Variants in ATG16L2 observed in about 807,000 individuals in gnomAD.
ATG16L2 encodes autophagy related 16 like 2, also known as protein Atg16l2.
A neutral mutation model predicts 84.7 loss-of-function variants in ATG16L2; 77 were observed. That is an observed-to-expected ratio of 0.91 (90% CI 0.76 to 1.10). ATG16L2 has a LOEUF of 1.10. ATG16L2 is among the 50% of genes least tolerant of loss of function. The probability of loss-of-function intolerance (pLI) is 0.00; values close to 1 mark genes in which losing one functional copy is unlikely to be tolerated. For synonymous variants in ATG16L2, 361 were observed against 342.8 expected (o/e 1.05, Z -0.59); for missense variants, 782 against 817.6 (o/e 0.96, Z 0.53).
chr11:72,836,101 G>A (rs530819424), intron 5 of ATG16L2, among the ~76,000 whole-genome samples: 18 of 152,328 alleles, frequency 1.2e-4, no homozygotes, highest in African/African-American at 4.1e-4. Context: ...CTTATGCACA[G>A]GATAATGTCT....
In ATG16L2 at chr11:72,826,750, G is replaced by T. The variant is rs1194932964; in HGVS notation, c.1293G>T (p.Lys431Asn). The change falls in exon 13 of 18, where the codon AAG becomes AAT. Residue 431 changes from lysine to asparagine, a missense_variant. Physicochemically the swap from Lys to Asn is moderately conservative, Grantham distance 94. Transcript: ENST00000321297. ...HKDKVTAAKF[K>N]LTRHQAVTGS... is the part of the protein sequence containing the mutation. ...ATAAGGTGACAGCTGCCAAATTCAA[G>T]CTAACGAGGCACCAGGCAGTGACTG... 1 of 1,614,018 alleles carries T rather than the reference G, an allele frequency of 6.2e-7. No individual in the cohort carries two copies. The highest frequency in any genetic ancestry group is 1.7e-5 in the Admixed American group (1 of 60,002).
At position 72,822,146 on chromosome 11, in the gene ATG16L2, A is replaced by G. The variant is rs1215334412; in HGVS notation, c.495A>G (p.Ala165=). ...EWRAQNAVQR[A]AYEALRAHVG... is the part of the protein sequence containing the mutation. ...GGGCGCAGAATGCGGTGCAGCGGGC[A>G]GCCTACGAGGCGCTGCGCGCGCACG... Residue 165 remains alanine, a synonymous_variant, in exon 5 of 18, where the codon GCA becomes GCG. Transcript: ENST00000321297. This position sits in a 1 kb window ranked among gnomAD's most constrained non-coding sequence, Gnocchi z 4.2. 3.3e-6 allele frequency: 5 copies of G among 1,497,074 alleles called. No homozygotes were observed. In the African/African-American group the frequency reaches 4.3e-5, roughly 13 times the overall value. The allele number at this position is 1,497,074 out of a possible 1,614,324, so 92.7% of individuals were successfully genotyped here.
downstream of ATG16L2, among the ~76,000 whole-genome samples, chr11:72,830,900 GC>G (rs1238958810): frequency 6.6e-6 from 1 of 152,204 alleles, no homozygotes; most frequent in African/African-American, 2.4e-5. Flanking sequence ...CAGTAGCTGG[GC>G]CTATAGGTGC....
chr11:72,824,989 G>C (rs1438233375), intron 9 of ATG16L2, 147 bp downstream of exon 9: 1 of 664,690 alleles, frequency 1.5e-6, no homozygotes, highest in Non-Finnish European at 2.5e-6. Flanking sequence ...CCCACAGCCT[G>C]TGGTGGGAGC....
chr11:72,827,712 G>A (rs979508907), intron 14 of ATG16L2, among the ~76,000 whole-genome samples: 12 of 152,230 alleles, frequency 7.9e-5, no homozygotes, highest in African/African-American at 2.9e-4. Flanking sequence ...GCCGAGGCGG[G>A]CAGATCACCT....
At chr11:72,836,077 G>A (rs1305514552) in intron 5 of ATG16L2, among the ~76,000 whole-genome samples, 2 of 152,206 alleles carry the variant, frequency 1.3e-5, no homozygotes, top group Non-Finnish European at 2.9e-5. Context: ...CAAGCAGTGT[G>A]TACACTTAAG....
intron 10 of ATG16L2, 78 bp downstream of exon 10, chr11:72,825,485 G>A: frequency 9.1e-7 from 1 of 1,104,964 alleles, no homozygotes; most frequent in Middle Eastern, 2.0e-4. Flanking sequence ...GGTGGGCAGA[G>A]GTCTTGGATC....
intron 17 of ATG16L2, 106 bp downstream of exon 17, chr11:72,829,090 C>T (rs977738571): frequency 1.6e-6 from 2 of 1,245,700 alleles, no homozygotes; most frequent in Non-Finnish European, 2.3e-6. Flanking sequence ...TGTCCCTCCA[C>T]CTTCCACCCG....
chr11:72,839,262 A>T (rs1249168636), intron 5 of ATG16L2, among the ~76,000 whole-genome samples: 1 of 152,252 alleles, frequency 6.6e-6, no homozygotes, highest in Non-Finnish European at 1.5e-5. Flanking sequence ...GCTAGGGTTA[A>T]GTTGTGAAGG....
intron 1 of ATG16L2, 27 bp downstream of exon 1, chr11:72,814,590 TG>T: frequency 6.5e-7 from 1 of 1,528,504 alleles, no homozygotes; most frequent in Middle Eastern, 1.8e-4. Context: ...GCTGAGAGGA[TG>T]GCGGCTGAGG....
chr11:72,827,025 G>T (rs1860404839), intron 13 of ATG16L2, 163 bp from the exon 14 acceptor site: 1 of 852,006 alleles, frequency 1.2e-6, no homozygotes, highest in Non-Finnish European at 1.8e-6. Flanking sequence ...TCAGGCTGTG[G>T]GTAGGAAAAA....
chr11:72,839,186 T>C (rs1019751061), intron 5 of ATG16L2, among the ~76,000 whole-genome samples: 3 of 152,152 alleles, frequency 2.0e-5, no homozygotes, highest in African/African-American at 7.2e-5. Context: ...GAGCAATGCT[T>C]AGAGAAATGA....
intron 11 of ATG16L2, 96 bp downstream of exon 11, chr11:72,826,339 A>G (rs1415424431): frequency 3.1e-5 from 45 of 1,446,884 alleles, no homozygotes; most frequent in Non-Finnish European, 4.1e-5. Flanking sequence ...CAACATGGAT[A>G]CCCTAGAACC....
downstream of ATG16L2, among the ~76,000 whole-genome samples, chr11:72,830,787 C>CTATT (rs1369578809): frequency 6.3e-5 from 1 of 15,806 alleles, no homozygotes; most frequent in Non-Finnish European, 1.2e-4. Flanking sequence ...CATTTCCTTG[C>CTATT]TATTCATTCA....
At chr11:72,835,826 G>A (rs1412260900) in intron 5 of ATG16L2, among the ~76,000 whole-genome samples, 1 of 147,802 alleles carries the variant, frequency 6.8e-6, no homozygotes, top group Non-Finnish European at 1.5e-5. Context: ...TCAGCTCACC[G>A]CAACCTCTGC....
Position 72,829,013 on chromosome 11 carries a change from C to T in ATG16L2, c.1772+29C>T, listed in dbSNP as rs746426935. On this transcript the variant is annotated intron_variant, in intron 17 of 17. Coordinates refer to ENST00000321297, the MANE Select transcript of ATG16L2 (RefSeq NM_033388.2). ...AGCATGGCCTCCACCTGGCCACCTG[C>T]CTGGCCCCAGTCCTGCCAGGCTGAT... The T allele has an allele frequency of 2.5e-6, 4 of 1,604,502 alleles. No homozygotes were observed. The South Asian group carries it at 3.3e-5, about 13-fold the overall frequency.
chr11:72,815,071 A>G (rs947219287), intron 1 of ATG16L2, among the ~76,000 whole-genome samples: 1 of 152,178 alleles, frequency 6.6e-6, no homozygotes, highest in African/African-American at 2.4e-5. Context: ...AGGCTTATGG[A>G]ACACCTCCCT....
chr11:72,822,314 C>A lies in ATG16L2; in HGVS notation c.644+19C>A. The stretch of plus-strand genomic sequence containing the variant: ...GGGAGCGGTGAGGGAGCAGGCCCCG[C>A]CCCTCCTGAGGAAAGGCCCCGCCCC... On this transcript the variant is annotated intron_variant, in intron 5 of 17. Transcript: ENST00000321297. This position sits in a 1 kb window ranked among gnomAD's most constrained non-coding sequence, Gnocchi z 4.2. 2 of 1,521,206 alleles carry A rather than the reference C, an allele frequency of 1.3e-6. No individual in the cohort carries two copies. The highest frequency in any genetic ancestry group is 1.8e-6 in the Non-Finnish European group (2 of 1,140,650). The allele number at this position is 1,521,206 out of a possible 1,614,324, so 94.2% of individuals were successfully genotyped here.
chr11:72,841,532 C>T (rs1860947856), intron 5 of ATG16L2: 4 of 1,610,988 alleles, frequency 2.5e-6, no homozygotes, highest in South Asian at 1.1e-5. Flanking sequence ...GGAGGCTGGT[C>T]GTACAACGGC....
Sources: allele counts gnomAD v4.1 joint callset (sites outside exome capture counted in the v4.1 genomes callset), GRCh38; gene constraint gnomAD v4.1.1; non-coding constraint Gnocchi (gnomAD v3.1); transcripts MANE v1.5; gene names NCBI Gene and HGNC (gene_info 2026-07-23, HGNC 2026-07-21).